APP: variants seen among roughly 807,000 people sequenced by gnomAD.
The protein encoded by APP is amyloid beta precursor protein.
A neutral mutation model predicts 101.4 loss-of-function variants in APP; 31 were observed. The observed-to-expected ratio is 0.31, with a 90% CI of 0.23 to 0.41. APP has a LOEUF of 0.41. Among genes scored for constraint, APP ranks in the 10% least tolerant of loss-of-function variants. The pLI, the probability that APP is intolerant of heterozygous loss-of-function variation, is 1.00. For missense variants in APP, 839 were observed against 1,003.7 expected (o/e 0.84, Z 2.22); for synonymous variants, 366 against 364.4 (o/e 1.00, Z -0.05).
chr21:26,104,569 T>C (rs1015809315), intron 2 of APP, among the ~76,000 whole-genome samples: 1 of 152,214 alleles, frequency 6.6e-6, no homozygotes, highest in African/African-American at 2.4e-5. Flanking sequence ...ACTGTGTTTT[T>C]ACTTTTTCTC....
chr21:25,957,349 A>T (rs2041364954), intron 11 of APP, among the ~76,000 whole-genome samples: 1 of 151,918 alleles, frequency 6.6e-6, no homozygotes, highest in Non-Finnish European at 1.5e-5. Flanking sequence ...GATAGGTTAT[A>T]CATGTGAATT....
chr21:26,026,064 G>C (rs1229050511), intron 5 of APP, among the ~76,000 whole-genome samples: 1 of 152,170 alleles, frequency 6.6e-6, no homozygotes, highest in Non-Finnish European at 1.5e-5. Context: ...CTGTGGACTT[G>C]TTTTGAAAAG....
rs941729951 is a variant in APP, at chr21:25,924,636, G to A, written c.1688-12674C>T. On this transcript the variant is annotated intron_variant, in intron 13 of 17. Transcript: ENST00000346798. The stretch of plus-strand genomic sequence containing the variant: ...CAGGGGTGGGGTGAAAGGGGAGGGA[G>A]AGCATTAGGACAAATACCTAATGCA... 5.6e-4 allele frequency among the ~76,000 whole-genome samples: 78 copies of A among 138,308 alleles called. 2 individuals carry two copies. The highest frequency in any genetic ancestry group is 6.0e-4 in the Admixed American group (8 of 13,228). 90.7% of individuals were successfully genotyped at this position (138,308 alleles called of 152,430 possible). A position where few individuals can be genotyped will look rare whatever the true frequency, so the allele number is the denominator to read the frequency against.
intron 14 of APP, among the ~76,000 whole-genome samples, chr21:25,910,038 A>G (rs1384847886): frequency 6.6e-6 from 1 of 152,206 alleles, no homozygotes; most frequent in Non-Finnish European, 1.5e-5. Context: ...GGTTCTTTAG[A>G]AAAAACTTGT....
At chr21:26,063,455 C>A (rs994696914) in intron 3 of APP, among the ~76,000 whole-genome samples, 1 of 151,862 alleles carries the variant, frequency 6.6e-6, no homozygotes, top group Non-Finnish European at 1.5e-5. Flanking sequence ...GGAACAAGGG[C>A]TCCTTGGAGG....
chr21:26,032,457 G>A (rs997310738), intron 5 of APP, among the ~76,000 whole-genome samples: 1 of 152,170 alleles, frequency 6.6e-6, no homozygotes, highest in Admixed American at 6.5e-5. Context: ...CCAGAGCTCA[G>A]CCACGTGGGT....
At chr21:26,041,063 T>C (rs1187000972) in intron 5 of APP, among the ~76,000 whole-genome samples, 1 of 152,254 alleles carries the variant, frequency 6.6e-6, no homozygotes, top group Non-Finnish European at 1.5e-5. Context: ...AGGAAATAGT[T>C]TGAACATCTC....
chr21:26,045,693 G>C (rs187742824), intron 5 of APP, among the ~76,000 whole-genome samples: 1 of 152,148 alleles, frequency 6.6e-6, no homozygotes, highest in African/African-American at 2.4e-5. Flanking sequence ...GCAAGGTGAC[G>C]TCTTGCCATA....
At chr21:26,125,680 G>T (rs144200757) in intron 1 of APP, among the ~76,000 whole-genome samples, 4 of 151,982 alleles carry the variant, frequency 2.6e-5, no homozygotes, top group Admixed American at 6.5e-5. Context: ...TGACGGGGGT[G>T]GGGGAGAAAA....
At chr21:25,893,894 C>CTAGAGAGAAG (rs2037856498) in intron 16 of APP, among the ~76,000 whole-genome samples, 1 of 152,114 alleles carries the variant, frequency 6.6e-6, no homozygotes, top group Admixed American at 6.5e-5. Flanking sequence ...ACTTTCATCA[C>CTAGAGAGAAG]TAGAGAGAAG....
intron 5 of APP, among the ~76,000 whole-genome samples, chr21:26,044,740 T>C (rs1401180482): frequency 1.3e-5 from 2 of 152,170 alleles, no homozygotes; most frequent in Non-Finnish European, 2.9e-5. Context: ...GCTTTCTCCA[T>C]GTTGGTCAGG....
intron 2 of APP, among the ~76,000 whole-genome samples, chr21:26,094,627 T>C (rs2061900820): frequency 6.7e-6 from 1 of 149,526 alleles, no homozygotes; most frequent in African/African-American, 2.4e-5. Context: ...AGTTCATTTA[T>C]ATTTAAAGAT....
chr21:25,915,784 T>C (rs1035503405), intron 13 of APP, among the ~76,000 whole-genome samples: 1 of 152,072 alleles, frequency 6.6e-6, no homozygotes, highest in African/African-American at 2.4e-5. Flanking sequence ...TCAGGGGAGG[T>C]TGAGGTACGC....
chr21:25,910,901 G>T (rs2829982), intron 14 of APP, among the ~76,000 whole-genome samples: 7,352 of 152,160 alleles, frequency 0.048, 583 homozygotes, highest in African/African-American at 0.17. Flanking sequence ...GACTACTTTG[G>T]TGCCTGTCAA....
intron 1 of APP, among the ~76,000 whole-genome samples, chr21:26,133,010 G>C (rs1298419649): frequency 6.6e-6 from 1 of 152,114 alleles, no homozygotes; most frequent in East Asian, 1.9e-4. Flanking sequence ...GGCATGGGTG[G>C]GTAGATCCCT....
chr21:26,102,393 C>T (rs1013677795), intron 2 of APP, among the ~76,000 whole-genome samples: 1 of 151,998 alleles, frequency 6.6e-6, no homozygotes, highest in Non-Finnish European at 1.5e-5. Flanking sequence ...CCGGCCAAAA[C>T]TATGGTTTTT....
chr21:25,906,176 CAGTG>C (rs200527301), intron 14 of APP, among the ~76,000 whole-genome samples: 1,761 of 152,272 alleles, frequency 0.012, 15 homozygotes, highest in Non-Finnish European at 0.019. Context: ...TTAATAGAAA[CAGTG>C]AGGGAGAAAA....
At chr21:26,050,149 A>G (rs959439153) in intron 5 of APP, among the ~76,000 whole-genome samples, 1 of 151,352 alleles carries the variant, frequency 6.6e-6, no homozygotes, top group Admixed American at 6.6e-5. Flanking sequence ...AAATTAAAAG[A>G]AAAAAAAACA....
intron 5 of APP, among the ~76,000 whole-genome samples, chr21:26,035,241 T>G (rs532824485): frequency 3.9e-5 from 6 of 152,244 alleles, no homozygotes; most frequent in African/African-American, 1.4e-4. Flanking sequence ...CACTCCAGCC[T>G]AGGTGACAGA....
Sources: gnomAD v4.1 joint callset for allele counts (sites outside exome capture counted in the v4.1 genomes callset) on GRCh38, gnomAD v4.1.1 for gene constraint, MANE v1.5 for transcripts, NCBI Gene and HGNC (gene_info 2026-07-23, HGNC 2026-07-21) for gene names.